The following CEMIP2 variants were observed in gnomAD, a reference collection of about 807,000 sequenced individuals.
The protein encoded by CEMIP2 is cell surface hyaluronidase CEMIP2.
A neutral mutation model predicts 146.9 loss-of-function variants in CEMIP2; 79 were observed. The observed-to-expected ratio is 0.54, with a 90% CI of 0.45 to 0.65. CEMIP2 has a LOEUF of 0.65. Ranked by LOEUF, CEMIP2 falls within the 30% of genes least tolerant of loss-of-function variation. The probability of loss-of-function intolerance (pLI) is 0.00; values close to 1 mark genes in which losing one functional copy is unlikely to be tolerated. For synonymous variants in CEMIP2, 601 were observed against 606.3 expected, an observed-to-expected ratio of 0.99 and a Z score of 0.13; for missense variants, 1,596 against 1,696.2, an observed-to-expected ratio of 0.94 and a Z score of 1.04.
rs2131839604 is a variant in CEMIP2, at chr9:71,684,420, G to A, written c.*777C>T. The A allele has an allele frequency of 1.3e-5, 2 of 152,720 alleles. No homozygotes were observed. Among genetic ancestry groups the A allele is most frequent in the South Asian group, 4.1e-4 (2 of 4,824 alleles). The allele number at this position is 152,720 out of a possible 1,614,324, so 9.5% of individuals were successfully genotyped here. ...AACAAAAAAGGAAATATTCAGTTGA[G>A]CTCTGCATTTTAAACACAAATATAC... is the stretch of plus-strand genomic sequence containing the variant. On this transcript the variant is annotated 3_prime_UTR_variant, in exon 24 of 24. Transcript: ENST00000377044.
intron 13 of CEMIP2, among the ~76,000 whole-genome samples, chr9:71,717,083 G>A (rs1282408872): frequency 6.6e-6 from 1 of 152,096 alleles, no homozygotes; most frequent in Non-Finnish European, 1.5e-5. Context: ...AAGGTGAGAG[G>A]TTTGCTTGAG....
At chr9:71,739,963 C>T in intron 5 of CEMIP2, 100 bp downstream of exon 5, 1 of 1,127,428 alleles carries the variant, frequency 8.9e-7, no homozygotes, top group Non-Finnish European at 1.2e-6. Flanking sequence ...GAAATCTAAC[C>T]AGGCGGACTG....
At chr9:71,712,317 C>T in intron 15 of CEMIP2, 57 bp from the exon 16 acceptor site, 1 of 1,534,328 alleles carries the variant, frequency 6.5e-7, no homozygotes, top group Non-Finnish European at 8.9e-7. Context: ...AGCAGCACTT[C>T]ACTTACTTGT....
At chr9:71,761,402 G>A (rs1824632317) in intron 1 of CEMIP2, among the ~76,000 whole-genome samples, 1 of 152,172 alleles carries the variant, frequency 6.6e-6, no homozygotes, top group Non-Finnish European at 1.5e-5. Flanking sequence ...AAAATGCAAT[G>A]ACAATAGGAA....
intron 22 of CEMIP2, among the ~76,000 whole-genome samples, chr9:71,688,503 C>T (rs1822136875): frequency 6.6e-6 from 1 of 151,886 alleles, no homozygotes; most frequent in Non-Finnish European, 1.5e-5. Context: ...GTTCTCCTGC[C>T]TCAGCCTCCC....
intron 19 of CEMIP2, among the ~76,000 whole-genome samples, chr9:71,698,869 C>T (rs145742797): frequency 6.6e-6 from 1 of 152,064 alleles, no homozygotes; most frequent in East Asian, 1.9e-4. Flanking sequence ...CCAGTCCTTC[C>T]AAACCAAAGG....
chr9:71,728,289 A>ATATATATAATACG, intron 10 of CEMIP2, among the ~76,000 whole-genome samples: 1 of 31,142 alleles, frequency 3.2e-5, no homozygotes, highest in South Asian at 1.7e-3. Flanking sequence ...ATGTATATAT[A>ATATATATAATACG]TATATATATA....
chr9:71,711,057 C>T (rs548719700), intron 16 of CEMIP2, among the ~76,000 whole-genome samples: 1 of 152,162 alleles, frequency 6.6e-6, no homozygotes. Context: ...TGTCCTGAGA[C>T]TTCTCTGTCT....
chr9:71,753,074 A>G (rs1364440084), intron 1 of CEMIP2, among the ~76,000 whole-genome samples: 1 of 152,206 alleles, frequency 6.6e-6, no homozygotes, highest in African/African-American at 2.4e-5. Context: ...GAACAAATGA[A>G]AGAGTACAAT....
At chr9:71,755,251 C>G (rs1281815932) in intron 1 of CEMIP2, among the ~76,000 whole-genome samples, 1 of 148,160 alleles carries the variant, frequency 6.7e-6, no homozygotes, top group Non-Finnish European at 1.5e-5. Context: ...TGGCTCACAC[C>G]TGTAATCTCA....
At chr9:71,748,963 A>C (rs1005486776) in intron 2 of CEMIP2, among the ~76,000 whole-genome samples, 1 of 152,224 alleles carries the variant, frequency 6.6e-6, no homozygotes, top group Non-Finnish European at 1.5e-5. Flanking sequence ...GTTGTAGACA[A>C]ATATGGTACC....
intron 19 of CEMIP2, among the ~76,000 whole-genome samples, chr9:71,698,952 G>T (rs555021993): frequency 6.6e-6 from 1 of 150,978 alleles, no homozygotes; most frequent in East Asian, 1.9e-4. Flanking sequence ...TTTTAATGAG[G>T]TCAATAAACA....
intron 4 of CEMIP2, among the ~76,000 whole-genome samples, chr9:71,744,459 T>C (rs1824015083): frequency 6.6e-6 from 1 of 152,190 alleles, no homozygotes; most frequent in African/African-American, 2.4e-5. Flanking sequence ...TCCTAGCCCT[T>C]TAACTTTTTC....
intron 16 of CEMIP2, among the ~76,000 whole-genome samples, chr9:71,710,052 T>C (rs1267929728): frequency 1.3e-5 from 2 of 152,194 alleles, no homozygotes; most frequent in Non-Finnish European, 2.9e-5. Context: ...AATTTAAGTG[T>C]TGACTTAGTA....
chr9:71,707,874 T>C (rs545889048), intron 17 of CEMIP2, among the ~76,000 whole-genome samples: 2 of 152,306 alleles, frequency 1.3e-5, no homozygotes, highest in African/African-American at 4.8e-5. Flanking sequence ...CTATTTCCTT[T>C]ATCTCCTCTG....
At chr9:71,741,632 T>TTTC (rs2131996763) in intron 4 of CEMIP2, among the ~76,000 whole-genome samples, 1 of 25,504 alleles carries the variant, frequency 3.9e-5, no homozygotes, top group African/African-American at 7.3e-5. Context: ...TCTTTTCTGG[T>TTTC]TTTTTTTTTT....
intron 6 of CEMIP2, among the ~76,000 whole-genome samples, chr9:71,733,559 A>G (rs1038968394): frequency 2.0e-5 from 3 of 152,222 alleles, no homozygotes; most frequent in African/African-American, 7.2e-5. Flanking sequence ...TTTTTTCTAA[A>G]GCAGAAAATT....
intron 2 of CEMIP2, among the ~76,000 whole-genome samples, chr9:71,747,829 A>G (rs1824132202): frequency 1.3e-5 from 2 of 152,186 alleles, no homozygotes; most frequent in South Asian, 4.1e-4. Context: ...CACAGCTACA[A>G]TTAGCCTCAC....
In CEMIP2 at chr9:71,683,977, G is replaced by A. The variant is rs752114368; in HGVS notation, c.*1220C>T. The A allele has an allele frequency of 1.3e-5, 2 of 152,218 alleles. No individual in the cohort carries two copies. The highest frequency in any genetic ancestry group is 4.8e-5 in the African/African-American group (2 of 41,430). 9.4% of individuals were successfully genotyped at this position (152,218 alleles called of 1,614,324 possible). ...GTACGGCAGCATCCCAGGCTGTGGA[G>A]CCAGTTGCCTCTTGCCGCATGTGAT... On this transcript the variant is annotated 3_prime_UTR_variant, in exon 24 of 24. Transcript: ENST00000377044.
Sources: allele counts gnomAD v4.1 joint callset (sites outside exome capture counted in the v4.1 genomes callset), GRCh38; gene constraint gnomAD v4.1.1; transcripts MANE v1.5; gene names NCBI Gene and HGNC (gene_info 2026-07-23, HGNC 2026-07-21).